The following MYLK4 variants were observed in gnomAD, a reference collection of about 807,000 sequenced individuals.
MYLK4 encodes the protein caMLCK like.
In MYLK4, 46 loss-of-function variants were observed where a neutral mutation model predicts 48.1. The ratio of observed to expected loss-of-function variants is 0.96; its 90% confidence interval spans 0.75 to 1.22. The LOEUF is 1.22. MYLK4 is among the 50% of genes most tolerant of loss of function. The pLI is 0.00. For synonymous variants in MYLK4, 170 were observed against 180.8 expected (o/e 0.94, Z 0.48); for missense variants, 451 against 486.1 (o/e 0.93, Z 0.68).
At chr6:2,720,964 C>T (rs1034007791) in intron 2 of MYLK4, among the ~76,000 whole-genome samples, 10 of 152,056 alleles carry the variant, frequency 6.6e-5, no homozygotes, top group African/African-American at 2.4e-4. Flanking sequence ...AGTTGGAGAC[C>T]AGCCTGACCA....
At chr6:2,766,271 G>A in the MYLK4 span, 1 of 1,573,698 alleles carries the variant, frequency 6.4e-7, no homozygotes, top group Non-Finnish European at 8.6e-7. Context: ...GGCTGCCGAG[G>A]AGATCCGACA....
chr6:2,767,957 T>A, the MYLK4 span, among the ~76,000 whole-genome samples: 1 of 152,336 alleles, frequency 6.6e-6, no homozygotes, highest in African/African-American at 2.4e-5. Context: ...ACCTTTCCAT[T>A]TAGGTGCAGA....
the MYLK4 span, among the ~76,000 whole-genome samples, chr6:2,767,037 T>TTTTTTATCTGCAAGTCA: frequency 6.6e-6 from 1 of 152,244 alleles, no homozygotes. Flanking sequence ...ACATAAAAAC[T>TTTTTTATCTGCAAGTCA]TTTTCATCTG....
chr6:2,713,000 GCA>G (rs1239597986), intron 2 of MYLK4, among the ~76,000 whole-genome samples: 2 of 152,166 alleles, frequency 1.3e-5, no homozygotes, highest in African/African-American at 4.8e-5. Flanking sequence ...TGTCAAATGG[GCA>G]CAGTTTCCAT....
the MYLK4 span, among the ~76,000 whole-genome samples, chr6:2,757,832 T>G: frequency 6.6e-6 from 1 of 152,206 alleles, no homozygotes; most frequent in Non-Finnish European, 1.5e-5. Context: ...TTTTCTAAAA[T>G]AAACATATAT....
At chr6:2,766,517 G>C in the MYLK4 span, 188 of 1,431,670 alleles carry the variant, frequency 1.3e-4, no homozygotes, top group Non-Finnish European at 1.7e-4. Context: ...CGGAGAGCCG[G>C]GTGTGCTGCC....
At chr6:2,698,535 G>A (rs563947519) in intron 2 of MYLK4, among the ~76,000 whole-genome samples, 2 of 152,198 alleles carry the variant, frequency 1.3e-5, no homozygotes, top group Non-Finnish European at 1.5e-5. Flanking sequence ...GCATATTACT[G>A]TTTGTGGAAA....
chr6:2,766,248 AC>A, the MYLK4 span: 1 of 1,489,036 alleles, frequency 6.7e-7, no homozygotes, highest in African/African-American at 1.4e-5. Context: ...GGCCGCCCGC[AC>A]CCCCGGGCGC....
chr6:2,765,491 G>C, the MYLK4 span: 1 of 1,176,140 alleles, frequency 8.5e-7, no homozygotes. Flanking sequence ...GCCCTCCTCC[G>C]GCCCGCGAGC....
At chr6:2,762,196 A>G in the MYLK4 span, among the ~76,000 whole-genome samples, 3 of 152,124 alleles carry the variant, frequency 2.0e-5, no homozygotes, top group African/African-American at 7.2e-5. Flanking sequence ...CGGAGTTTAT[A>G]TTAATTCTAT....
At chr6:2,746,304 T>A in intron 2 of MYLK4, among the ~76,000 whole-genome samples, 2 of 148,726 alleles carry the variant, frequency 1.3e-5, no homozygotes. Context: ...GAAAGAAAAA[T>A]TAAAAGAACA....
the MYLK4 span, chr6:2,768,912 G>T: frequency 6.3e-7 from 1 of 1,577,110 alleles, no homozygotes; most frequent in East Asian, 2.2e-5. Context: ...CCTTTTGGTC[G>T]TTGTGAACAT....
At chr6:2,759,669 T>C in the MYLK4 span, among the ~76,000 whole-genome samples, 1 of 152,216 alleles carries the variant, frequency 6.6e-6, no homozygotes, top group Non-Finnish European at 1.5e-5. Context: ...GTATTAATCT[T>C]TTCCTTTTAC....
At chr6:2,736,009 C>T (rs1225411801) in intron 2 of MYLK4, among the ~76,000 whole-genome samples, 2 of 152,046 alleles carry the variant, frequency 1.3e-5, no homozygotes, top group Non-Finnish European at 1.5e-5. Context: ...AGGTGGTCTC[C>T]AAGGGGATTT....
intron 2 of MYLK4, among the ~76,000 whole-genome samples, chr6:2,748,688 G>A (rs550786081): frequency 1.4e-4 from 22 of 152,230 alleles, no homozygotes; most frequent in Middle Eastern, 3.2e-3. Flanking sequence ...AAGCCCCACC[G>A]TCGTGCCATC....
intron 2 of MYLK4, among the ~76,000 whole-genome samples, chr6:2,719,751 T>A (rs1763001484): frequency 6.6e-6 from 1 of 152,196 alleles, no homozygotes. Flanking sequence ...TCCAGGCCTG[T>A]AAATTCAGTA....
At chr6:2,735,795 C>T (rs1372126595) in intron 2 of MYLK4, among the ~76,000 whole-genome samples, 1 of 152,082 alleles carries the variant, frequency 6.6e-6, no homozygotes, top group Non-Finnish European at 1.5e-5. Flanking sequence ...TTTCAAAAGG[C>T]ATAGAAGAGG....
At chr6:2,713,480 A>G (rs1488877618) in intron 2 of MYLK4, among the ~76,000 whole-genome samples, 1 of 152,226 alleles carries the variant, frequency 6.6e-6, no homozygotes, top group Non-Finnish European at 1.5e-5. Context: ...GGAGCAGTGC[A>G]CAGAATCCTT....
intron 2 of MYLK4, among the ~76,000 whole-genome samples, chr6:2,716,391 A>C (rs933705992): frequency 6.6e-6 from 1 of 152,248 alleles, no homozygotes; most frequent in African/African-American, 2.4e-5. Context: ...TCCTTTAAGG[A>C]AAATACATAT....
Sources: allele counts gnomAD v4.1 joint callset (sites outside exome capture counted in the v4.1 genomes callset), GRCh38; gene constraint gnomAD v4.1.1; transcripts MANE v1.5; gene names NCBI Gene and HGNC (gene_info 2026-07-23, HGNC 2026-07-21).